The following ZNF385B variants were observed in gnomAD, a reference collection of about 807,000 sequenced individuals.
ZNF385B encodes zinc finger protein 533.
In ZNF385B, 23 loss-of-function variants were observed where a neutral mutation model predicts 39.2. That is an observed-to-expected ratio of 0.59 (90% CI 0.42 to 0.83). ZNF385B has a LOEUF of 0.83. Ranked by LOEUF, ZNF385B falls within the 40% of genes least tolerant of loss-of-function variation. ZNF385B has a pLI of 0.00. For synonymous variants in ZNF385B, 205 were observed against 222.6 expected (o/e 0.92, Z 0.70); for missense variants, 552 against 598.9 (o/e 0.92, Z 0.82).
intron 1 of ZNF385B, among the ~76,000 whole-genome samples, chr2:179,828,466 A>T (rs1381342103): frequency 6.6e-6 from 1 of 152,152 alleles, no homozygotes; most frequent in Non-Finnish European, 1.5e-5. Context: ...TAAAAACATG[A>T]CCTCATTTCT....
intron 1 of ZNF385B, among the ~76,000 whole-genome samples, chr2:179,797,957 T>C (rs1705780598): frequency 6.6e-6 from 1 of 152,142 alleles, no homozygotes; most frequent in Admixed American, 6.6e-5. Flanking sequence ...TCATCAATTC[T>C]TGATTATCCT....
chr2:179,515,312 G>A (rs12373740), intron 5 of ZNF385B, among the ~76,000 whole-genome samples: 123,853 of 152,126 alleles, frequency 0.81, 50,792 homozygotes, highest in East Asian at 0.92. Context: ...TATTACATTA[G>A]TGGACTTCAT....
intron 3 of ZNF385B, among the ~76,000 whole-genome samples, chr2:179,687,311 A>C (rs1575231222): frequency 6.6e-6 from 1 of 151,980 alleles, no homozygotes; most frequent in South Asian, 2.1e-4. Flanking sequence ...CTAACTGATA[A>C]ACATCAACTT....
chr2:179,504,122 T>C (rs878880354), intron 5 of ZNF385B, among the ~76,000 whole-genome samples: 5 of 150,012 alleles, frequency 3.3e-5, no homozygotes, highest in South Asian at 2.1e-4. Context: ...TGAGAATATG[T>C]GGTGTTTGGT....
intron 3 of ZNF385B, among the ~76,000 whole-genome samples, chr2:179,694,172 A>G (rs1237205762): frequency 6.6e-6 from 1 of 152,226 alleles, no homozygotes; most frequent in Non-Finnish European, 1.5e-5. Context: ...TTAACTCATA[A>G]CTAAGTTGAC....
At chr2:179,589,033 A>C (rs1687337471) in intron 3 of ZNF385B, among the ~76,000 whole-genome samples, 1 of 152,160 alleles carries the variant, frequency 6.6e-6, no homozygotes. Flanking sequence ...CTTAGTTTTC[A>C]GGCCAATTTC....
intron 1 of ZNF385B, among the ~76,000 whole-genome samples, chr2:179,778,343 C>T (rs186847818): frequency 5.3e-4 from 81 of 152,216 alleles, no homozygotes; most frequent in South Asian, 3.7e-3. Flanking sequence ...CCTCCCACTA[C>T]GACTGCCAGG....
rs867404550 is a variant in ZNF385B at position 179,654,495 on chromosome 2, T to G, written c.299-109526A>C. Among the ~76,000 whole-genome samples, 4 of 152,182 alleles carry G rather than the reference T, an allele frequency of 2.6e-5. No individual in the cohort carries two copies. In the South Asian group the frequency reaches 8.3e-4, roughly 32 times the overall value. On this transcript the variant is annotated intron_variant, in intron 3 of 9. Transcript: ENST00000410066. ...CAGAATAAATGTTTGGAAAGAAGAC[T>G]GTATTTTAATTCAAAAATTCCTAGA... is the stretch of plus-strand genomic sequence containing the variant.
chr2:179,696,769 T>C (rs7426355), intron 3 of ZNF385B, among the ~76,000 whole-genome samples: 150,343 of 152,224 alleles, frequency 0.99, 74,274 homozygotes, highest in Middle Eastern at 1. Context: ...ACGTATTATA[T>C]ATCACTACCT....
At chr2:179,652,580 C>T (rs2106250652) in intron 3 of ZNF385B, among the ~76,000 whole-genome samples, 1 of 152,212 alleles carries the variant, frequency 6.6e-6, no homozygotes, top group South Asian at 2.1e-4. Flanking sequence ...CACCCTCATC[C>T]AAAACAATGG....
intron 4 of ZNF385B, among the ~76,000 whole-genome samples, chr2:179,523,359 T>TTG (rs1337462615): frequency 1.3e-5 from 2 of 151,514 alleles, no homozygotes; most frequent in African/African-American, 2.4e-5. Context: ...TTTTTTTTTT[T>TTG]TTTTTTTTAA....
chr2:179,515,104 A>AT, intron 5 of ZNF385B, among the ~76,000 whole-genome samples: 1 of 152,232 alleles, frequency 6.6e-6, no homozygotes, highest in Non-Finnish European at 1.5e-5. Flanking sequence ...TATTATCATG[A>AT]TTTTGAACTA....
intron 3 of ZNF385B, among the ~76,000 whole-genome samples, chr2:179,697,549 G>C (rs1236019798): frequency 6.6e-6 from 1 of 152,048 alleles, no homozygotes; most frequent in Non-Finnish European, 1.5e-5. Context: ...ACACAGTCTC[G>C]GGCAGTTCTT....
At position 179,477,358 on chromosome 2, in the gene ZNF385B, G is replaced by T. The variant is rs1004869432; in HGVS notation, c.715+5914C>A. Among the ~76,000 whole-genome samples the T allele has an allele frequency of 4.6e-5, 7 of 152,092 alleles. No individual in the cohort carries two copies. The South Asian group carries it at 1.5e-3, about 32-fold the overall frequency. On this transcript the variant is annotated intron_variant, in intron 6 of 9. Transcript: ENST00000410066. ...GATATACTCATTGATAACGACTCTGGGTTTACACCTGAAGAACTGCCACCA... is the reference window on the plus strand; with the variant it reads ...GATATACTCATTGATAACGACTCTGTGTTTACACCTGAAGAACTGCCACCA...
chr2:179,636,778 G>A (rs1691796389), intron 3 of ZNF385B, among the ~76,000 whole-genome samples: 1 of 151,994 alleles, frequency 6.6e-6, no homozygotes. Flanking sequence ...ATTTAACTTT[G>A]ACTCTTTGAC....
chr2:179,860,417 C>T (rs993172605), intron 1 of ZNF385B, among the ~76,000 whole-genome samples: 4 of 152,134 alleles, frequency 2.6e-5, no homozygotes, highest in African/African-American at 9.7e-5. Flanking sequence ...GGCCCCCGCA[C>T]ATAACAGTGG....
chr2:179,504,086 C>A (rs1204793336), intron 5 of ZNF385B, among the ~76,000 whole-genome samples: 1 of 147,788 alleles, frequency 6.8e-6, no homozygotes, highest in Non-Finnish European at 1.5e-5. Flanking sequence ...TCCATGTGAT[C>A]TCATTGTTCA....
At chr2:179,513,884 A>AGATC (rs1396511896) in intron 5 of ZNF385B, among the ~76,000 whole-genome samples, 28 of 152,194 alleles carry the variant, frequency 1.8e-4, no homozygotes, top group Non-Finnish European at 1.5e-5. Flanking sequence ...TAGAGGCAAG[A>AGATC]GATCCAGACT....
In ZNF385B at chr2:179,650,619, G is replaced by A. The variant is rs111517942; in HGVS notation, c.299-105650C>T. 7.8e-4 allele frequency among the ~76,000 whole-genome samples: 119 copies of A among 152,300 alleles called. 1 individual carries two copies. The highest frequency in any genetic ancestry group is 2.7e-3 in the African/African-American group (112 of 41,576). On this transcript the variant is annotated intron_variant, in intron 3 of 9. Coordinates refer to ENST00000410066, the MANE Select transcript of ZNF385B (RefSeq NM_152520.6). ...GAATCCTGTAACAAGCTGTCATGTG[G>A]AGAGTGGCACTGTGCCTTTGGCAGT...
Sources: gnomAD v4.1 joint callset for allele counts (sites outside exome capture counted in the v4.1 genomes callset) on GRCh38, gnomAD v4.1.1 for gene constraint, MANE v1.5 for transcripts, NCBI Gene and HGNC (gene_info 2026-07-23, HGNC 2026-07-21) for gene names.